LHFPL7: variants seen among roughly 807,000 people sequenced by gnomAD.
LHFPL7 encodes the protein LHFPL tetraspan subfamily member 7 protein.
the LHFPL7 span, among the ~76,000 whole-genome samples, chr22:24,942,458 A>G: frequency 6.6e-6 from 1 of 152,198 alleles, no homozygotes; most frequent in African/African-American, 2.4e-5. Context: ...AGCCTGCCCA[A>G]GGGCACTCAA....
At chr22:24,938,542 T>C in the LHFPL7 span, among the ~76,000 whole-genome samples, 5 of 152,160 alleles carry the variant, frequency 3.3e-5, no homozygotes, top group African/African-American at 9.7e-5. Flanking sequence ...TCCAAGAAAC[T>C]GAAGTCATTT....
chr22:24,940,973 C>CT, the LHFPL7 span, among the ~76,000 whole-genome samples: 1 of 151,596 alleles, frequency 6.6e-6, no homozygotes, highest in African/African-American at 2.4e-5. Flanking sequence ...AATTAGAAAC[C>CT]TTTTTTCTTT....
the LHFPL7 span, among the ~76,000 whole-genome samples, chr22:24,941,882 G>T: frequency 4.6e-5 from 7 of 152,156 alleles, no homozygotes; most frequent in African/African-American, 1.7e-4. Flanking sequence ...GGCCAGGATG[G>T]TCTCCATCTC....
chr22:24,943,078 T>C, the LHFPL7 span, among the ~76,000 whole-genome samples: 1 of 151,694 alleles, frequency 6.6e-6, no homozygotes, highest in Non-Finnish European at 1.5e-5. Context: ...GGGGACAGTA[T>C]TTTTATGGGG....
At chr22:24,943,425 T>TA in the LHFPL7 span, among the ~76,000 whole-genome samples, 5 of 152,210 alleles carry the variant, frequency 3.3e-5, no homozygotes, top group Admixed American at 2.6e-4. Flanking sequence ...TGAAAGGGAC[T>TA]GAATATTTTC....
the LHFPL7 span, among the ~76,000 whole-genome samples, chr22:24,936,716 C>G: frequency 6.6e-6 from 1 of 152,158 alleles, no homozygotes; most frequent in Non-Finnish European, 1.5e-5. Flanking sequence ...CAGAAATGCC[C>G]TTGTACTCTT....
chr22:24,944,871 G>A, the LHFPL7 span, among the ~76,000 whole-genome samples: 9 of 151,636 alleles, frequency 5.9e-5, no homozygotes, highest in Admixed American at 2.0e-4. Context: ...GTACAATGGC[G>A]CGATCTCGGC....
At chr22:24,942,089 G>A in the LHFPL7 span, among the ~76,000 whole-genome samples, 2 of 151,820 alleles carry the variant, frequency 1.3e-5, no homozygotes, top group Non-Finnish European at 2.9e-5. Context: ...TCTGCTTCCC[G>A]GGTTCATGCC....
chr22:24,937,106 A>G, the LHFPL7 span, among the ~76,000 whole-genome samples: 1 of 152,244 alleles, frequency 6.6e-6, no homozygotes, highest in Non-Finnish European at 1.5e-5. Context: ...AAAGAGGGAC[A>G]ATAATCAAGT....
chr22:24,935,484 C>A, the LHFPL7 span: 1 of 1,613,948 alleles, frequency 6.2e-7, no homozygotes. Flanking sequence ...GTAACCCCAA[C>A]CCAGCCGGCA....
the LHFPL7 span, among the ~76,000 whole-genome samples, chr22:24,943,014 A>G: frequency 6.6e-6 from 1 of 151,630 alleles, no homozygotes; most frequent in Admixed American, 6.6e-5. Flanking sequence ...CCCCGAGATG[A>G]GAAAAACCTC....
the LHFPL7 span, among the ~76,000 whole-genome samples, chr22:24,939,867 T>C: frequency 1.3e-5 from 2 of 151,704 alleles, no homozygotes. Context: ...AGGGCTCTTC[T>C]CATATTCCGT....
At chr22:24,941,428 C>A in the LHFPL7 span, among the ~76,000 whole-genome samples, 1 of 151,894 alleles carries the variant, frequency 6.6e-6, no homozygotes, top group African/African-American at 2.4e-5. Context: ...ACTGAAACAC[C>A]ATGGATGTCT....
At chr22:24,942,140 G>A in the LHFPL7 span, among the ~76,000 whole-genome samples, 2 of 151,498 alleles carry the variant, frequency 1.3e-5, no homozygotes, top group Admixed American at 1.3e-4. Flanking sequence ...GGACATAGGC[G>A]CCCGCCACCA....
chr22:24,935,341 T>C, the LHFPL7 span: 1 of 1,612,088 alleles, frequency 6.2e-7, no homozygotes, highest in African/African-American at 1.3e-5. Flanking sequence ...TTTTATTTGT[T>C]CATTTCTGGC....
chr22:24,940,457 G>A, the LHFPL7 span, among the ~76,000 whole-genome samples: 3 of 150,916 alleles, frequency 2.0e-5, no homozygotes, highest in Admixed American at 6.6e-5. Context: ...TTAGCCGGGC[G>A]TGGGAGCGGG....
the LHFPL7 span, among the ~76,000 whole-genome samples, chr22:24,937,049 G>GC: frequency 6.6e-6 from 1 of 152,184 alleles, no homozygotes; most frequent in Non-Finnish European, 1.5e-5. Context: ...GTGATAACCA[G>GC]GCAGACAGAC....
the LHFPL7 span, among the ~76,000 whole-genome samples, chr22:24,935,981 A>G: frequency 3.3e-5 from 5 of 151,592 alleles, no homozygotes; most frequent in African/African-American, 1.2e-4. Flanking sequence ...TCATCCATCC[A>G]CTAAAATATC....
the LHFPL7 span, among the ~76,000 whole-genome samples, chr22:24,944,902 C>T: frequency 6.6e-6 from 1 of 151,450 alleles, no homozygotes; most frequent in African/African-American, 2.4e-5. Context: ...CTCTGCCTCT[C>T]GGGTTCAAGC....
Sources: gnomAD v4.1 joint callset for allele counts (sites outside exome capture counted in the v4.1 genomes callset) on GRCh38, gnomAD v4.1.1 for gene constraint, MANE v1.5 for transcripts, NCBI Gene and HGNC (gene_info 2026-07-23, HGNC 2026-07-21) for gene names.